ADGRG6: variants seen among roughly 807,000 people sequenced by gnomAD.
ADGRG6 encodes adhesion G protein-coupled receptor G6.
In ADGRG6, 84 loss-of-function variants were observed where a neutral mutation model predicts 142.4. The observed-to-expected ratio is 0.59, with a 90% CI of 0.49 to 0.71. The LOEUF is 0.71. Ranked by LOEUF, ADGRG6 falls within the 30% of genes least tolerant of loss-of-function variation. ADGRG6 has a pLI of 0.00. For synonymous variants in ADGRG6, 521 were observed against 520.5 expected, an observed-to-expected ratio of 1.00 and a Z score of -0.01; for missense variants, 1,367 against 1,466.6, an observed-to-expected ratio of 0.93 and a Z score of 1.11.
chr6:142,364,114 A>G (rs185530247), intron 2 of ADGRG6, among the ~76,000 whole-genome samples: 144 of 152,048 alleles, frequency 9.5e-4, no homozygotes, highest in East Asian at 6.2e-3. Context: ...GAGTTATCCA[A>G]TCTATATTAG....
intron 24 of ADGRG6, among the ~76,000 whole-genome samples, chr6:142,438,624 C>G (rs1055544985): frequency 6.6e-5 from 10 of 151,998 alleles, no homozygotes; most frequent in African/African-American, 2.4e-4. Flanking sequence ...GATTCAAAAA[C>G]TTGGTTATCT....
At chr6:142,438,623 A>T (rs1777601474) in intron 24 of ADGRG6, among the ~76,000 whole-genome samples, 1 of 152,210 alleles carries the variant, frequency 6.6e-6, no homozygotes, top group African/African-American at 2.4e-5. Flanking sequence ...TGATTCAAAA[A>T]CTTGGTTATC....
chr6:142,358,755 A>G (rs1356058493), intron 2 of ADGRG6, among the ~76,000 whole-genome samples: 1 of 152,044 alleles, frequency 6.6e-6, no homozygotes, highest in Non-Finnish European at 1.5e-5. Flanking sequence ...AAATACAAAA[A>G]TTAGCTGGGC....
chr6:142,375,673 T>C lies in ADGRG6; in HGVS notation c.1069+4880T>C, dbSNP rs552383626. ...ATCAGTACAGTAACCAATGGGAGAA[T>C]AGAAATTTATTTCTAGCATTCCACT... On this transcript the variant is annotated intron_variant, in intron 4 of 24. Coordinates refer to ENST00000367609, the MANE Select transcript of ADGRG6 (RefSeq NM_198569.3). Among the ~76,000 whole-genome samples the C allele has an allele frequency of 7.9e-5, 12 of 152,342 alleles. No homozygotes were observed. In the East Asian group the frequency reaches 1.7e-3, roughly 22 times the overall value.
At position 142,411,372 on chromosome 6, in the gene ADGRG6, C is replaced by A; in HGVS notation, c.2502C>A (p.Val834=). The change falls in exon 18 of 25, where the codon GTC becomes GTA. Residue 834 remains valine, a synonymous_variant. Coordinates refer to ENST00000367609, the MANE Select transcript of ADGRG6 (RefSeq NM_198569.3). The part of the protein sequence containing the change: ...AHRDSDASET[V]CLCNHFTHFG... ...GAGATTCAGATGCAAGTGAGACAGT[C>A]TGCCTGTGTAACCACTTCACACACT... The A allele has an allele frequency of 6.2e-7, 1 of 1,606,420 alleles. No individual in the cohort carries two copies. The highest frequency in any genetic ancestry group is 1.1e-5 in the South Asian group (1 of 90,906).
At chr6:142,325,931 T>C (rs769400068) in intron 2 of ADGRG6, among the ~76,000 whole-genome samples, 7 of 152,038 alleles carry the variant, frequency 4.6e-5, no homozygotes, top group East Asian at 1.9e-4. Flanking sequence ...CACATGAAGA[T>C]ATTCATTTAA....
chr6:142,334,566 G>A (rs1779220784), intron 2 of ADGRG6, among the ~76,000 whole-genome samples: 1 of 152,156 alleles, frequency 6.6e-6, no homozygotes, highest in Admixed American at 6.5e-5. Context: ...ACAATAAGAT[G>A]TGCCAACAGT....
chr6:142,366,781 G>T (rs1780960912), intron 2 of ADGRG6, among the ~76,000 whole-genome samples: 1 of 150,386 alleles, frequency 6.6e-6, no homozygotes. Context: ...TTCCTTTATA[G>T]AGAGATTTTG....
chr6:142,429,637 A>G (rs1000659284), intron 22 of ADGRG6, among the ~76,000 whole-genome samples: 4 of 152,214 alleles, frequency 2.6e-5, no homozygotes, highest in African/African-American at 9.6e-5. Context: ...GACACAGGCT[A>G]CTAAGGATGC....
chr6:142,442,861 GA>G (rs1241966402), intron 24 of ADGRG6, among the ~76,000 whole-genome samples: 1 of 151,818 alleles, frequency 6.6e-6, no homozygotes, highest in Non-Finnish European at 1.5e-5. Context: ...AAATAGAGAG[GA>G]TACTATTATA....
intron 24 of ADGRG6, among the ~76,000 whole-genome samples, chr6:142,439,967 C>T (rs1157612979): frequency 6.6e-6 from 1 of 152,092 alleles, no homozygotes; most frequent in African/African-American, 2.4e-5. Flanking sequence ...TTTTGCCTCC[C>T]CTTCTAAAAT....
intron 2 of ADGRG6, among the ~76,000 whole-genome samples, chr6:142,325,351 A>G (rs1778721246): frequency 6.6e-6 from 1 of 152,044 alleles, no homozygotes; most frequent in South Asian, 2.1e-4. Flanking sequence ...CCACCTTCCT[A>G]TTCTTTACAT....
At position 142,419,910 on chromosome 6, in the gene ADGRG6, T is replaced by C; in HGVS notation, c.3125T>C (p.Val1042Ala). The C allele has an allele frequency of 6.2e-7, 1 of 1,613,294 alleles. No homozygotes were observed. Among genetic ancestry groups the C allele is most frequent in the Non-Finnish European group, 8.5e-7 (1 of 1,179,394 alleles). The change falls in exon 22 of 25, where the codon GTG (valine) becomes GCG (alanine). Residue 1042 changes from valine to alanine, a missense_variant. Coordinates refer to ENST00000367609, the MANE Select transcript of ADGRG6 (RefSeq NM_198569.3). Reference sequence around the variant, plus strand: ...TTTCTGAACATTGCCATGTTCATTGTGGTAATGGTGCAGATCTGTGGGAGG... The same window carrying C: ...TTTCTGAACATTGCCATGTTCATTGCGGTAATGGTGCAGATCTGTGGGAGG... ...MFFLNIAMFI[V>A]VMVQICGRNG...
At chr6:142,356,090 T>C (rs1425408437) in intron 2 of ADGRG6, among the ~76,000 whole-genome samples, 1 of 152,200 alleles carries the variant, frequency 6.6e-6, no homozygotes, top group Non-Finnish European at 1.5e-5. Flanking sequence ...TGAAATTAGA[T>C]AAACATTTTG....
At position 142,422,812 on chromosome 6, in the gene ADGRG6, C is replaced by A. The variant is rs1475645155; in HGVS notation, c.3319+2708C>A. Among the ~76,000 whole-genome samples, 883 of 140,324 alleles carry A rather than the reference C, an allele frequency of 6.3e-3. 8 individuals are homozygous for A. Among genetic ancestry groups the A allele is most frequent in the East Asian group, 0.041 (193 of 4,750 alleles). The allele number at this position is 140,324 out of a possible 152,430, so 92.1% of individuals were successfully genotyped here. The stretch of plus-strand genomic sequence containing the variant: ...TAAAAGTGTTCCTATTTCTCCACAT[C>A]CTCTCCAGCACCTGTTGTTTCCTGA... On this transcript the variant is annotated intron_variant, in intron 22 of 24. Coordinates refer to ENST00000367609, the MANE Select transcript of ADGRG6 (RefSeq NM_198569.3).
At chr6:142,323,284 T>G (rs1049935885) in intron 2 of ADGRG6, among the ~76,000 whole-genome samples, 7 of 152,052 alleles carry the variant, frequency 4.6e-5, no homozygotes, top group African/African-American at 1.7e-4. Context: ...ATTGGATGGA[T>G]AATTTGAAGA....
intron 22 of ADGRG6, among the ~76,000 whole-genome samples, chr6:142,421,350 C>T (rs1776644466): frequency 6.6e-6 from 1 of 152,122 alleles, no homozygotes; most frequent in Non-Finnish European, 1.5e-5. Context: ...TGTCTTATAA[C>T]AAAGGAAGTA....
intron 18 of ADGRG6, 97 bp from the exon 19 acceptor site, chr6:142,414,871 TA>T: frequency 1.1e-6 from 1 of 878,106 alleles, no homozygotes; most frequent in Non-Finnish European, 1.7e-6. Flanking sequence ...CCCCTGAGAG[TA>T]AGCTGCTCTA....
At chr6:142,433,373 G>A (rs1777307257) in intron 22 of ADGRG6, among the ~76,000 whole-genome samples, 1 of 152,132 alleles carries the variant, frequency 6.6e-6, no homozygotes, top group South Asian at 2.1e-4. Context: ...AAGTGCTGGT[G>A]GTACAAAGTG....
Sources: gnomAD v4.1 joint callset for allele counts (sites outside exome capture counted in the v4.1 genomes callset) on GRCh38, gnomAD v4.1.1 for gene constraint, MANE v1.5 for transcripts, NCBI Gene and HGNC (gene_info 2026-07-23, HGNC 2026-07-21) for gene names.